The following LSM14A variants were observed in gnomAD, a reference collection of about 807,000 sequenced individuals.
The protein encoded by LSM14A is protein LSM14 homolog A.
In LSM14A, 14 loss-of-function variants were observed where a neutral mutation model predicts 52.4. The observed-to-expected ratio is 0.27, with a 90% CI of 0.18 to 0.42. The LOEUF is 0.42. Among genes scored for constraint, LSM14A ranks in the 10% least tolerant of loss-of-function variants. The probability of loss-of-function intolerance (pLI) is 1.00; values close to 1 mark genes in which losing one functional copy is unlikely to be tolerated. For missense variants in LSM14A, 417 were observed against 581.8 expected, an observed-to-expected ratio of 0.72 and a Z score of 2.91; for synonymous variants, 185 against 200.3, an observed-to-expected ratio of 0.92 and a Z score of 0.64.
rs2073448250 is a variant in LSM14A at position 34,228,423 on chromosome 19, C to G, written c.*1035C>G. The G allele has an allele frequency of 6.6e-6, 1 of 152,578 alleles. No individual in the cohort carries two copies. Among genetic ancestry groups the G allele is most frequent in the Non-Finnish European group, 1.5e-5 (1 of 68,040 alleles). 9.5% of individuals were successfully genotyped at this position (152,578 alleles called of 1,614,324 possible). ...TCCCCCCTTTTGTAGGACTTTAAAA[C>G]TAGGCATCAATGAACCTGTTTTTCC... On this transcript the variant is annotated 3_prime_UTR_variant, in exon 10 of 10. Transcript: ENST00000544216.
In LSM14A at chr19:34,227,460, G is replaced by A; in HGVS notation, c.*72G>A. On this transcript the variant is annotated 3_prime_UTR_variant, in exon 10 of 10. Coordinates refer to ENST00000544216, the MANE Select transcript of LSM14A (RefSeq NM_015578.4). ...GTCCTGAACATTGATTTCAGTCTTT[G>A]CAAAGAATGAAGAAGTGAATTCGCT... The A allele has an allele frequency of 8.3e-7, 1 of 1,204,782 alleles. No individual in the cohort carries two copies. Among genetic ancestry groups the A allele is most frequent in the Non-Finnish European group, 1.2e-6 (1 of 857,090 alleles). 74.6% of individuals were successfully genotyped at this position (1,204,782 alleles called of 1,614,324 possible). A position where few individuals can be genotyped will look rare whatever the true frequency, so the allele number is the denominator to read the frequency against.
intron 9 of LSM14A, among the ~76,000 whole-genome samples, chr19:34,224,040 C>T (rs557317554): frequency 1.3e-5 from 2 of 152,230 alleles, no homozygotes; most frequent in East Asian, 3.9e-4. Flanking sequence ...CTAACTGTTA[C>T]AATCTCAGCT....
chr19:34,173,402 G>A (rs1047805456), intron 1 of LSM14A, among the ~76,000 whole-genome samples: 3 of 152,198 alleles, frequency 2.0e-5, no homozygotes, highest in Admixed American at 2.0e-4. Flanking sequence ...TGGTAAAAAT[G>A]CTTGCTGCTG....
intron 5 of LSM14A, 31 bp downstream of exon 5, chr19:34,215,331 T>C (rs1050041508): frequency 1.9e-6 from 3 of 1,559,504 alleles, no homozygotes; most frequent in East Asian, 2.3e-5. Context: ...TGTTCCTTAA[T>C]TGACTGATCA....
At chr19:34,223,461 A>G (rs1328509006) in intron 9 of LSM14A, among the ~76,000 whole-genome samples, 1 of 152,182 alleles carries the variant, frequency 6.6e-6, no homozygotes, top group African/African-American at 2.4e-5. Context: ...GTTTGCTGTC[A>G]GCTTAACCTT....
At chr19:34,178,963 A>G (rs1012848768) in intron 1 of LSM14A, among the ~76,000 whole-genome samples, 6 of 152,328 alleles carry the variant, frequency 3.9e-5, no homozygotes, top group Admixed American at 3.9e-4. Flanking sequence ...ACATGTATGA[A>G]TATTTTATGG....
intron 3 of LSM14A, 62 bp downstream of exon 3, chr19:34,196,825 T>C (rs375582900): frequency 5.6e-6 from 8 of 1,431,918 alleles, no homozygotes; most frequent in African/African-American, 2.9e-5. Flanking sequence ...ACCACAAAGG[T>C]ATAGAAACTC....
intron 3 of LSM14A, among the ~76,000 whole-genome samples, chr19:34,206,807 A>T (rs1428242749): frequency 6.6e-6 from 1 of 152,202 alleles, no homozygotes; most frequent in African/African-American, 2.4e-5. Context: ...GTCCCCCATG[A>T]ACATAAACGT....
At chr19:34,227,252 G>A (rs1416270389) in intron 9 of LSM14A, 113 bp from the exon 10 acceptor site, 2 of 725,656 alleles carry the variant, frequency 2.8e-6, no homozygotes, top group African/African-American at 1.8e-5. Context: ...TTCTATGAAA[G>A]TAAAAGTGGG....
At chr19:34,213,681 G>T (rs2072336643) in intron 4 of LSM14A, among the ~76,000 whole-genome samples, 1 of 152,224 alleles carries the variant, frequency 6.6e-6, no homozygotes, top group Non-Finnish European at 1.5e-5. Context: ...CATGATGGGA[G>T]CACCCGATGT....
At chr19:34,196,786 T>C (rs1310106353) in intron 3 of LSM14A, 23 bp downstream of exon 3, 1 of 1,581,562 alleles carries the variant, frequency 6.3e-7, no homozygotes, top group Non-Finnish European at 8.5e-7. Context: ...TTTCTTTTCT[T>C]TTTTTGTTTT....
Position 34,215,127 on chromosome 19 carries a change from G to T in LSM14A, c.542G>T (p.Arg181Leu), listed in dbSNP as rs762133483. The part of the protein sequence containing the change: ...RSLKTQLSQG[R>L]SSPQLDPLRK... ...TTATCTTTTGGTTACATTTTAGGTC[G>T]CTCAAGCCCTCAGTTAGACCCTTTG... Residue 181 changes from arginine to leucine, a missense_variant, in exon 5 of 10, where the codon CGC becomes CTC. Physicochemically the swap from Arg to Leu is moderately radical, Grantham distance 102. This residue lies in a region of LSM14A where 357 missense variants were observed against 457.0 expected (regional missense o/e 0.78). Transcript: ENST00000544216. 5.9e-5 allele frequency: 94 copies of T among 1,604,382 alleles called. 1 individual carries two copies. The highest frequency in any genetic ancestry group is 1.3e-4 in the East Asian group (6 of 44,768).
chr19:34,204,184 A>C (rs2071514959), intron 3 of LSM14A, among the ~76,000 whole-genome samples: 1 of 152,224 alleles, frequency 6.6e-6, no homozygotes, highest in Non-Finnish European at 1.5e-5. Context: ...ATTGCAGAAT[A>C]TTGTTTTAAG....
chr19:34,209,941 C>A lies in LSM14A; in HGVS notation c.538+890C>A, dbSNP rs530517518. Among the ~76,000 whole-genome samples, 12 of 152,000 alleles carry A rather than the reference C, an allele frequency of 7.9e-5. No homozygotes were observed. The South Asian group carries it at 2.5e-3, about 32-fold the overall frequency. On this transcript the variant is annotated intron_variant, in intron 4 of 9. Transcript: ENST00000544216. ...GATCATAGTGCACTGCAGCCTTGGACACCTGGCCCCAAACAAGCCTCCCAC... is the reference window on the plus strand; with the variant it reads ...GATCATAGTGCACTGCAGCCTTGGAAACCTGGCCCCAAACAAGCCTCCCAC...
At position 34,219,803 on chromosome 19, in the gene LSM14A, A is replaced by T. The variant is rs2072929219; in HGVS notation, c.1062A>T (p.Glu354Asp). The T allele has an allele frequency of 1.2e-6, 2 of 1,613,808 alleles. No homozygotes were observed. The highest frequency in any genetic ancestry group is 1.7e-6 in the Non-Finnish European group (2 of 1,179,660). ...ACAGTGAAGGAAATGCCGATGAAGAAGATCCACTTGGACCTAATTGCTATT... is the reference window on the plus strand; with the variant it reads ...ACAGTGAAGGAAATGCCGATGAAGATGATCCACTTGGACCTAATTGCTATT... ...TQNSEGNADE[E>D]DPLGPNCYYD... The change falls in exon 8 of 10, where the codon GAA (glutamate) becomes GAT (aspartate). Residue 354 changes from glutamate to aspartate, a missense_variant. Coordinates refer to ENST00000544216, the MANE Select transcript of LSM14A (RefSeq NM_015578.4).
In LSM14A at chr19:34,196,650, C is replaced by G; in HGVS notation, c.302C>G (p.Ser101Trp). Residue 101 changes from serine to tryptophan, a missense_variant, in exon 3 of 10, where the codon TCG becomes TGG. Physicochemically the swap from Ser to Trp is radical, Grantham distance 177. Coordinates refer to ENST00000544216, the MANE Select transcript of LSM14A (RefSeq NM_015578.4). ...TTCCTTCAGTCCTCACTAGGCTCAT[C>G]GACTTCTTCATTCCAGTCCATGGGT... ...PAIVQSSLGS[S>W]TSSFQSMGSY... The G allele has an allele frequency of 6.2e-7, 1 of 1,610,622 alleles. No homozygotes were observed. The highest frequency in any genetic ancestry group is 8.5e-7 in the Non-Finnish European group (1 of 1,178,768).
chr19:34,183,408 A>G (rs3097334), intron 1 of LSM14A, among the ~76,000 whole-genome samples: 91,122 of 151,896 alleles, frequency 0.6, 28,120 homozygotes, highest in African/African-American at 0.68. Flanking sequence ...AAAATTAGCC[A>G]GTCGTGGTGT....
At chr19:34,183,376 C>T (rs1242012073) in intron 1 of LSM14A, among the ~76,000 whole-genome samples, 1 of 152,020 alleles carries the variant, frequency 6.6e-6, no homozygotes, top group Non-Finnish European at 1.5e-5. Flanking sequence ...CATGGTGAAA[C>T]CCCGTCTCTA....
chr19:34,211,711 C>T (rs1303178289), intron 4 of LSM14A, among the ~76,000 whole-genome samples: 1 of 151,950 alleles, frequency 6.6e-6, no homozygotes, highest in Non-Finnish European at 1.5e-5. Flanking sequence ...ATCACTTGAG[C>T]CCAGGAGGCC....
Sources: allele counts gnomAD v4.1 joint callset (sites outside exome capture counted in the v4.1 genomes callset), GRCh38; gene constraint gnomAD v4.1.1; regional missense constraint gnomAD v4.1.1; transcripts MANE v1.5; gene names NCBI Gene and HGNC (gene_info 2026-07-23, HGNC 2026-07-21).